Variants in PTPRG observed in about 807,000 individuals in gnomAD.
PTPRG encodes receptor-type tyrosine-protein phosphatase gamma.
In PTPRG, 102 loss-of-function variants were observed where a neutral mutation model predicts 165.3. That is an observed-to-expected ratio of 0.62 (90% CI 0.53 to 0.73). The LOEUF (loss-of-function observed/expected upper bound fraction) is 0.73. Ranked by LOEUF, PTPRG falls within the 30% of genes least tolerant of loss-of-function variation. The probability of loss-of-function intolerance (pLI) is 0.00; values close to 1 mark genes in which losing one functional copy is unlikely to be tolerated. For synonymous variants in PTPRG, 675 were observed against 669.5 expected (o/e 1.01, Z -0.13); for missense variants, 1,866 against 1,861.4 (o/e 1.00, Z -0.05).
chr3:61,588,671 C>T (rs896921988), intron 1 of PTPRG, among the ~76,000 whole-genome samples: 1 of 152,180 alleles, frequency 6.6e-6, no homozygotes, highest in Admixed American at 6.5e-5. Flanking sequence ...GTCTCAGACT[C>T]CTGAGCGCAG....
chr3:62,203,362 G>A lies in PTPRG; in HGVS notation c.1567G>A (p.Gly523Ser), dbSNP rs149885804. The change falls in exon 12 of 30, where the codon GGT (glycine) becomes AGT (serine). Residue 523 changes from glycine to serine, a missense_variant. Physicochemically the swap from Gly to Ser is moderately conservative, Grantham distance 56 (BLOSUM62 0). Around this residue, in one of 3 missense-constraint regions of PTPRG, gnomAD observed 1,452 missense variants for 1,463.0 expected, o/e 0.99. Transcript: ENST00000474889. The surrounding 1 kb of genome is among the most constrained non-coding windows in gnomAD (Gnocchi z 6.4). ...STLLAGLGFG[G>S]GGISSFPSTV... Reference sequence around the variant, plus strand: ...GCTGCTCGCCGGCCTGGGGTTCGGCGGTGGTGGCATCTCCTCTTTCCCCAG... The same window carrying A: ...GCTGCTCGCCGGCCTGGGGTTCGGCAGTGGTGGCATCTCCTCTTTCCCCAG... The A allele has an allele frequency of 8.9e-5, 143 of 1,613,154 alleles. No individual in the cohort carries two copies. Among genetic ancestry groups the A allele is most frequent in the African/African-American group, 8.7e-4 (65 of 75,022 alleles).
intron 2 of PTPRG, among the ~76,000 whole-genome samples, chr3:61,944,035 A>G (rs1456355785): frequency 1.3e-5 from 2 of 152,154 alleles, no homozygotes; most frequent in Admixed American, 6.5e-5. Context: ...CCAGCAGCAA[A>G]CAAAGTACCA....
chr3:62,034,152 A>G (rs1559758479), intron 4 of PTPRG, among the ~76,000 whole-genome samples: 1 of 152,220 alleles, frequency 6.6e-6, no homozygotes, highest in Non-Finnish European at 1.5e-5. Context: ...AAATGCTCAC[A>G]TACTCAAGTT....
At position 61,762,779 on chromosome 3, in the gene PTPRG, G is replaced by C. The variant is rs544643273; in HGVS notation, c.190+13797G>C. Among the ~76,000 whole-genome samples, 91 of 152,116 alleles carry C rather than the reference G, an allele frequency of 6.0e-4. 1 individual carries two copies. The highest frequency in any genetic ancestry group is 1.0e-3 in the Non-Finnish European group (69 of 68,004). On this transcript the variant is annotated intron_variant, in intron 2 of 29. Coordinates refer to ENST00000474889, the MANE Select transcript of PTPRG (RefSeq NM_002841.4). ...CTCTCCTGGCCTAAGCGTAAGGGCA[G>C]TTTATCGCCTTACATAGCACACCTA...
At chr3:62,117,811 G>A (rs186743442) in intron 5 of PTPRG, among the ~76,000 whole-genome samples, 4 of 152,268 alleles carry the variant, frequency 2.6e-5, no homozygotes, top group African/African-American at 9.6e-5. Flanking sequence ...TTGTCTAATA[G>A]ATATATTTGC....
intron 1 of PTPRG, among the ~76,000 whole-genome samples, chr3:61,668,043 A>G (rs1463750629): frequency 6.6e-6 from 1 of 152,218 alleles, no homozygotes; most frequent in African/African-American, 2.4e-5. Flanking sequence ...ACAACAGTAG[A>G]AATGAGTGTT....
At chr3:61,786,825 A>G (rs1371896629) in intron 2 of PTPRG, among the ~76,000 whole-genome samples, 2 of 152,212 alleles carry the variant, frequency 1.3e-5, no homozygotes, top group East Asian at 3.9e-4. Context: ...GAAAATTAGC[A>G]TTGTGTCTTT....
At chr3:61,997,972 C>T (rs1268558673) in intron 3 of PTPRG, among the ~76,000 whole-genome samples, 2 of 152,134 alleles carry the variant, frequency 1.3e-5, no homozygotes, top group Non-Finnish European at 2.9e-5. Flanking sequence ...ACCTTATACT[C>T]TTGGCAACGG....
chr3:62,042,558 C>T (rs1321568195), intron 4 of PTPRG, among the ~76,000 whole-genome samples: 2 of 152,132 alleles, frequency 1.3e-5, no homozygotes, highest in Admixed American at 6.5e-5. Context: ...CCTCCCGCAC[C>T]GCCACCCTGC....
At chr3:61,956,271 C>T (rs573161233) in intron 2 of PTPRG, among the ~76,000 whole-genome samples, 26 of 113,818 alleles carry the variant, frequency 2.3e-4, no homozygotes, top group Middle Eastern at 4.9e-3. Flanking sequence ...CTCGCGTGCA[C>T]GCTGTCTCTC....
At chr3:61,955,736 T>C (rs1239357642) in intron 2 of PTPRG, among the ~76,000 whole-genome samples, 1 of 152,204 alleles carries the variant, frequency 6.6e-6, no homozygotes, top group Non-Finnish European at 1.5e-5. Context: ...TAAAGATTTA[T>C]ATTATGTTTC....
rs1463792924 is a variant in PTPRG at position 61,880,643 on chromosome 3, A to AG, written c.191-108982_191-108981insG. Among the ~76,000 whole-genome samples, 1,132 of 149,990 alleles carry AG rather than the reference A, an allele frequency of 7.5e-3. 13 individuals are homozygous for AG. The highest frequency in any genetic ancestry group is 0.027 in the African/African-American group (1,092 of 39,992). Reference sequence around the variant, plus strand: ...GTCTCAAAAAAAAAAAAAAAAAAAAAAGAGAGAGACCTATGGCCAGGTGAT... The same window carrying AG: ...GTCTCAAAAAAAAAAAAAAAAAAAAAGAGAGAGAGACCTATGGCCAGGTGAT... On this transcript the variant is annotated intron_variant, in intron 2 of 29. Coordinates refer to ENST00000474889, the MANE Select transcript of PTPRG (RefSeq NM_002841.4).
intron 1 of PTPRG, among the ~76,000 whole-genome samples, chr3:61,630,093 TC>T (rs977309847): frequency 1.6e-4 from 25 of 152,358 alleles, no homozygotes; most frequent in African/African-American, 6.0e-4. Flanking sequence ...AAGTGGTGGT[TC>T]TTGGCCTTAG....
At chr3:61,802,479 AG>A (rs1211766241) in intron 2 of PTPRG, among the ~76,000 whole-genome samples, 1 of 152,248 alleles carries the variant, frequency 6.6e-6, no homozygotes, top group Non-Finnish European at 1.5e-5. Flanking sequence ...AATGTGCTAC[AG>A]GGGAAGTGTT....
chr3:61,899,610 C>G (rs2038448715), intron 2 of PTPRG, among the ~76,000 whole-genome samples: 1 of 152,210 alleles, frequency 6.6e-6, no homozygotes, highest in South Asian at 2.1e-4. Context: ...CTCCAGAAGA[C>G]TCACCAGGAA....
chr3:62,072,639 GTGTGTGTT>G (rs1424772925), intron 4 of PTPRG, among the ~76,000 whole-genome samples: 3 of 151,408 alleles, frequency 2.0e-5, no homozygotes, highest in African/African-American at 7.3e-5. Context: ...GTGTGTGTGT[GTGTGTGTT>G]TTATGTATAT....
chr3:61,790,183 G>A (rs2034829477), intron 2 of PTPRG, among the ~76,000 whole-genome samples: 1 of 152,194 alleles, frequency 6.6e-6, no homozygotes, highest in South Asian at 2.1e-4. Flanking sequence ...TTTCACACTT[G>A]TACTGGAGGA....
chr3:61,995,009 C>G (rs1402541414), intron 3 of PTPRG, among the ~76,000 whole-genome samples: 1 of 151,516 alleles, frequency 6.6e-6, no homozygotes, highest in Non-Finnish European at 1.5e-5. Flanking sequence ...TACTGAGAGT[C>G]AGCACCAGGC....
intron 1 of PTPRG, among the ~76,000 whole-genome samples, chr3:61,670,625 A>T (rs752894989): frequency 4.6e-5 from 7 of 152,174 alleles, no homozygotes; most frequent in Admixed American, 6.5e-5. Flanking sequence ...CTCTGACACG[A>T]AATAGAAACC....
Sources: allele counts gnomAD v4.1 joint callset (sites outside exome capture counted in the v4.1 genomes callset), GRCh38; gene constraint gnomAD v4.1.1; regional missense constraint gnomAD v4.1.1; non-coding constraint Gnocchi (gnomAD v3.1); transcripts MANE v1.5; gene names NCBI Gene and HGNC (gene_info 2026-07-23, HGNC 2026-07-21).